Variants in ATXN7 observed in about 807,000 individuals in gnomAD.
ATXN7 encodes the protein ataxin 7, also known as ataxin-7.
ATXN7 carries 12 observed loss-of-function variants against 70.5 expected under a neutral mutation model. The ratio of observed to expected loss-of-function variants is 0.17; its 90% CI spans 0.11 to 0.28. The LOEUF is 0.28. ATXN7 is among the 10% of genes least tolerant of loss of function. The pLI, the probability that ATXN7 is intolerant of heterozygous loss-of-function variation, is 1.00. For missense variants in ATXN7, 1,256 were observed against 1,131.7 expected, an observed-to-expected ratio of 1.11 and a Z score of -1.58; for synonymous variants, 498 against 448.7, an observed-to-expected ratio of 1.11 and a Z score of -1.39.
In ATXN7 at chr3:63,980,149, G is replaced by C. The variant is rs1261895497; in HGVS notation, c.734G>C (p.Arg245Thr). Residue 245 changes from arginine (R) to threonine (T), a missense_variant, in exon 6 of 13, where the codon AGA becomes ACA. Physicochemically the swap from Arg to Thr is moderately conservative, Grantham distance 71. Coordinates refer to ENST00000674280, the MANE Select transcript of ATXN7 (RefSeq NM_001377405.1). ...TRPMHPIQQSRVPHGRIMTPS... is the reference protein window; with the variant it reads ...TRPMHPIQQSTVPHGRIMTPS... The stretch of plus-strand genomic sequence containing the variant: ...CCAATGCATCCCATTCAGCAAAGTA[G>C]AGTTCCCCATGGTAGAATGTGAGTA... 1.2e-6 allele frequency: 2 copies of C among 1,614,188 alleles called. No individual in the cohort carries two copies. The highest frequency in any genetic ancestry group is 3.3e-5 in the Admixed American group (2 of 60,020).
At chr3:63,931,485 C>CA (rs1704958364) in intron 4 of ATXN7, among the ~76,000 whole-genome samples, 2 of 152,140 alleles carry the variant, frequency 1.3e-5, no homozygotes, top group East Asian at 3.9e-4. Flanking sequence ...CCCTGGAGGC[C>CA]ATAGAGGACA....
rs569777560 is a variant in ATXN7, at chr3:63,994,223, G to C, written c.1683-1282G>C. ...GAGCTGTACCCTTGAATGGGGTTTTGGGTTTTTTTGTTTGTTTTGTTTTGT... is the reference window on the plus strand; with the variant it reads ...GAGCTGTACCCTTGAATGGGGTTTTCGGTTTTTTTGTTTGTTTTGTTTTGT... On this transcript the variant is annotated intron_variant, in intron 11 of 12. Transcript: ENST00000674280. Among the ~76,000 whole-genome samples the C allele has an allele frequency of 5.0e-4, 76 of 152,132 alleles. 1 individual carries two copies. Among genetic ancestry groups the C allele is most frequent in the South Asian group, 5.0e-3 (24 of 4,816 alleles).
At chr3:63,912,561 T>C in intron 2 of ATXN7, 27 bp from the exon 3 acceptor site, 1 of 1,110,490 alleles carries the variant, frequency 9.0e-7, no homozygotes, top group Non-Finnish European at 1.1e-6. Flanking sequence ...GCGCGACTCT[T>C]TCCCCCTTTT....
chr3:63,990,585 G>A (rs2075654491), intron 10 of ATXN7, 153 bp from the exon 11 acceptor site: 29 of 1,308,598 alleles, frequency 2.2e-5, no homozygotes, highest in Non-Finnish European at 3.0e-5. Context: ...TGACGCTCAG[G>A]GCTAGGCATT....
At chr3:63,904,984 A>G (rs1261741565) in intron 2 of ATXN7, 1 of 152,190 alleles carries the variant, frequency 6.6e-6, no homozygotes, top group Non-Finnish European at 1.5e-5. Context: ...TTCCCTAATG[A>G]CTAATGATAT....
At chr3:63,950,503 TG>T (rs2074935660) in intron 4 of ATXN7, among the ~76,000 whole-genome samples, 1 of 152,240 alleles carries the variant, frequency 6.6e-6, no homozygotes, top group Non-Finnish European at 1.5e-5. Flanking sequence ...ATTGTTCATT[TG>T]ATATCTATCT....
chr3:63,988,892 T>G (rs965657328), intron 9 of ATXN7, among the ~76,000 whole-genome samples: 11 of 152,184 alleles, frequency 7.2e-5, no homozygotes, highest in Non-Finnish European at 1.5e-4. Context: ...ATGTGTGTGT[T>G]TGTGCTTACA....
chr3:63,925,405 T>C (rs1358302485), intron 4 of ATXN7, among the ~76,000 whole-genome samples: 1 of 152,148 alleles, frequency 6.6e-6, no homozygotes, highest in African/African-American at 2.4e-5. Flanking sequence ...TGAGCATTAC[T>C]GCCTGAGCTC....
At chr3:63,990,593 ATT>A in intron 10 of ATXN7, 143 bp from the exon 11 acceptor site, 9 of 1,343,576 alleles carry the variant, frequency 6.7e-6, no homozygotes, top group Non-Finnish European at 9.4e-6. Context: ...AGGGCTAGGC[ATT>A]GTCACTCTCA....
chr3:63,864,693 TTTTA>T (rs1197934292), intron 1 of ATXN7: 3 of 152,240 alleles, frequency 2.0e-5, no homozygotes, highest in Non-Finnish European at 4.4e-5. Flanking sequence ...GATGGGGTGC[TTTTA>T]TTTTTCTCTT....
chr3:63,955,972 C>G (rs563788305), intron 5 of ATXN7, among the ~76,000 whole-genome samples: 1 of 152,150 alleles, frequency 6.6e-6, no homozygotes, highest in East Asian at 1.9e-4. Context: ...GCTTATTATT[C>G]GGAGTAGTTA....
rs556574579 is a variant in ATXN7, at chr3:63,923,814, A to G, written c.394+10589A>G. On this transcript the variant is annotated intron_variant, in intron 4 of 12. Coordinates refer to ENST00000674280, the MANE Select transcript of ATXN7 (RefSeq NM_001377405.1). ...TGTCACAAAAAGTAAAAAAGAAAGAAGCAGCCATCAGATCATCTGGAAGGG... is the reference window on the plus strand; with the variant it reads ...TGTCACAAAAAGTAAAAAAGAAAGAGGCAGCCATCAGATCATCTGGAAGGG... 5.5e-4 allele frequency among the ~76,000 whole-genome samples: 84 copies of G among 152,264 alleles called. 1 individual carries two copies. The highest frequency in any genetic ancestry group is 5.4e-3 in the South Asian group (26 of 4,816).
chr3:63,888,115 G>A (rs1168789979), intron 1 of ATXN7, among the ~76,000 whole-genome samples: 3 of 152,018 alleles, frequency 2.0e-5, no homozygotes, highest in African/African-American at 7.2e-5. Flanking sequence ...AAGATAATCA[G>A]TAGTTGCTTT....
At chr3:63,902,960 T>A (rs1236631792) in intron 2 of ATXN7, among the ~76,000 whole-genome samples, 1 of 152,172 alleles carries the variant, frequency 6.6e-6, no homozygotes, top group Non-Finnish European at 1.5e-5. Flanking sequence ...AAAAAGTTCC[T>A]TTAAGTTTAA....
chr3:63,896,312 T>A (rs1203549396), intron 1 of ATXN7, among the ~76,000 whole-genome samples: 3 of 148,126 alleles, frequency 2.0e-5, no homozygotes, highest in African/African-American at 7.3e-5. Context: ...ATTTATTGAA[T>A]GCTTATTACA....
At chr3:63,944,380 T>C (rs1034322270) in intron 4 of ATXN7, among the ~76,000 whole-genome samples, 10 of 152,196 alleles carry the variant, frequency 6.6e-5, no homozygotes, top group African/African-American at 2.4e-4. Flanking sequence ...TTTGGGGCCA[T>C]TATTAAGTAA....
intron 2 of ATXN7, among the ~76,000 whole-genome samples, chr3:63,906,682 G>T (rs1171770371): frequency 2.0e-5 from 3 of 152,208 alleles, no homozygotes; most frequent in Non-Finnish European, 4.4e-5. Context: ...ATTTGTGGAA[G>T]AACTTTGATT....
intron 4 of ATXN7, among the ~76,000 whole-genome samples, chr3:63,941,025 C>A (rs1232463041): frequency 6.6e-6 from 1 of 152,132 alleles, no homozygotes; most frequent in Non-Finnish European, 1.5e-5. Context: ...GCCCCACCTG[C>A]CATTCCTAAC....
rs951603561 is a variant in ATXN7 at position 63,946,260 on chromosome 3, T to A, written c.395-6119T>A. Among the ~76,000 whole-genome samples, 119 of 152,112 alleles carry A rather than the reference T, an allele frequency of 7.8e-4. 3 individuals carry two copies. In the South Asian group the frequency reaches 0.023, roughly 29 times the overall value. On this transcript the variant is annotated intron_variant, in intron 4 of 12. Transcript: ENST00000674280. ...AGTAGGAGCCTAGCAGAGAGGGCATTGGGGCTAGTTCTTGTCGAACGGTGG... is the reference window on the plus strand; with the variant it reads ...AGTAGGAGCCTAGCAGAGAGGGCATAGGGGCTAGTTCTTGTCGAACGGTGG...
Sources: allele counts gnomAD v4.1 joint callset (sites outside exome capture counted in the v4.1 genomes callset), GRCh38; gene constraint gnomAD v4.1.1; transcripts MANE v1.5; gene names NCBI Gene and HGNC (gene_info 2026-07-23, HGNC 2026-07-21).